Variants in SEPTIN2 observed in about 807,000 individuals in gnomAD.
SEPTIN2 encodes the protein septin 2.
Under a neutral mutation model 46.5 loss-of-function variants are expected in SEPTIN2, and 34 were observed. That is an observed-to-expected ratio of 0.73 (90% CI 0.56 to 0.97). SEPTIN2 has a LOEUF of 0.97. Ranked by LOEUF, SEPTIN2 falls within the 50% of genes least tolerant of loss-of-function variation. The pLI, the probability that SEPTIN2 is intolerant of heterozygous loss-of-function variation, is 0.00. For missense variants in SEPTIN2, 347 were observed against 448.4 expected (o/e 0.77, Z 2.04); for synonymous variants, 175 against 153.4 (o/e 1.14, Z -1.04).
chr2:241,335,311 T>G (rs2079764206), intron 4 of SEPTIN2, 99 bp downstream of exon 4: 1 of 1,559,860 alleles, frequency 6.4e-7, no homozygotes, highest in African/African-American at 1.4e-5. Flanking sequence ...GTTTTGTTTG[T>G]TCTTGTTCAG....
intron 2 of SEPTIN2, chr2:241,325,006 C>T (rs1466865278): frequency 6.6e-6 from 1 of 151,086 alleles, no homozygotes; most frequent in Non-Finnish European, 1.5e-5. Context: ...GTGTTCATTA[C>T]TGTCCAATGC....
intron 3 of SEPTIN2, among the ~76,000 whole-genome samples, chr2:241,326,318 A>T (rs2077957950): frequency 6.6e-6 from 1 of 152,250 alleles, no homozygotes; most frequent in African/African-American, 2.4e-5. Context: ...ATTTATATGT[A>T]GTGAAAGTTT....
Position 241,326,123 on chromosome 2 carries a change from T to G in SEPTIN2, c.130+10T>G, listed in dbSNP as rs199874880. ...ACACTGATGGTGGTCGGTAAGAAAT[T>G]AATCTATAGTCTCCAACTTACTAAA... On this transcript the variant is annotated intron_variant, in intron 3 of 12. Transcript: ENST00000391971. The G allele has an allele frequency of 4.5e-5, 73 of 1,610,012 alleles. No homozygotes were observed. Among genetic ancestry groups the G allele is most frequent in the Non-Finnish European group, 5.9e-5 (69 of 1,178,058 alleles).
At chr2:241,339,967 A>G (rs1283246700) in intron 7 of SEPTIN2, among the ~76,000 whole-genome samples, 1 of 152,236 alleles carries the variant, frequency 6.6e-6, no homozygotes, top group African/African-American at 2.4e-5. Flanking sequence ...TCTGGCACAT[A>G]ATAGATTTGT....
upstream of SEPTIN2, chr2:241,315,879 G>T (rs1184006427): frequency 6.6e-6 from 1 of 151,580 alleles, no homozygotes; most frequent in Non-Finnish European, 1.5e-5. Context: ...CCGCCTGCGC[G>T]CTGGGCGGGG....
In SEPTIN2 at chr2:241,331,708, T is replaced by C. The variant is rs553776215; in HGVS notation, c.131-3418T>C. ...AGCGTCCAGCTCCAACTTTCAGAAA[T>C]AAAAATTAACAAGCTGATTCGGAAG... On this transcript the variant is annotated intron_variant, in intron 3 of 12. Transcript: ENST00000391971. 2.0e-5 allele frequency among the ~76,000 whole-genome samples: 3 copies of C among 152,196 alleles called. No individual in the cohort carries two copies. The South Asian group carries it at 6.2e-4, about 32-fold the overall frequency.
At chr2:241,320,585 G>A (rs923785960) in intron 1 of SEPTIN2, among the ~76,000 whole-genome samples, 4 of 152,086 alleles carry the variant, frequency 2.6e-5, no homozygotes, top group Admixed American at 6.6e-5. Flanking sequence ...CCTGAGGTCA[G>A]GAAGTTTCAC....
In SEPTIN2 at chr2:241,346,236, A is replaced by G. The variant is rs2060218573; in HGVS notation, c.913A>G (p.Lys305Glu). ...HYENFRSERLKRGGRKVENED... is the reference protein window; with the variant it reads ...HYENFRSERLERGGRKVENED... ...TGAAAACTTCCGTTCTGAGAGACTCAAGAGAGGCGGCAGGTCATCACACTG... is the reference window on the plus strand; with the variant it reads ...TGAAAACTTCCGTTCTGAGAGACTCGAGAGAGGCGGCAGGTCATCACACTG... The change falls in exon 10 of 13, where the codon AAG becomes GAG. Residue 305 changes from lysine to glutamate, a missense_variant. Transcript: ENST00000391971. 4 of 1,613,682 alleles carry G rather than the reference A, an allele frequency of 2.5e-6. No individual in the cohort carries two copies. In the East Asian group the frequency reaches 8.9e-5, roughly 36 times the overall value.
chr2:241,350,480 G>T (rs757508607), intron 12 of SEPTIN2, among the ~76,000 whole-genome samples: 3 of 151,612 alleles, frequency 2.0e-5, no homozygotes, highest in Non-Finnish European at 4.4e-5. Context: ...TATTTTCTAA[G>T]CTTGCAAATA....
chr2:241,344,217 G>A (rs2081658666), intron 9 of SEPTIN2, among the ~76,000 whole-genome samples: 2 of 152,114 alleles, frequency 1.3e-5, no homozygotes, highest in African/African-American at 4.8e-5. Context: ...GGGTCTGAGA[G>A]GTCCCCAGTG....
chr2:241,336,334 A>G, intron 5 of SEPTIN2: 1 of 482,492 alleles, frequency 2.1e-6, no homozygotes, highest in Admixed American at 3.7e-5. Flanking sequence ...ATAGACTGCT[A>G]GTATAAATGA....
At chr2:241,331,621 C>G (rs2079027060) in intron 3 of SEPTIN2, among the ~76,000 whole-genome samples, 1 of 152,158 alleles carries the variant, frequency 6.6e-6, no homozygotes. Flanking sequence ...AAACTCCTAG[C>G]CTGAAGTGAT....
intron 10 of SEPTIN2, among the ~76,000 whole-genome samples, chr2:241,347,455 A>G (rs1219442364): frequency 1.3e-5 from 2 of 152,210 alleles, no homozygotes; most frequent in Non-Finnish European, 2.9e-5. Context: ...TGTGCTTTGC[A>G]GAGCACAGTT....
At chr2:241,323,869 A>G (rs968376364) in intron 1 of SEPTIN2, among the ~76,000 whole-genome samples, 2 of 152,322 alleles carry the variant, frequency 1.3e-5, no homozygotes, top group East Asian at 3.9e-4. Flanking sequence ...ACTTGAAGGG[A>G]TTTGTTTAAC....
chr2:241,350,842 T>C (rs1451775551), intron 12 of SEPTIN2, among the ~76,000 whole-genome samples: 1 of 152,148 alleles, frequency 6.6e-6, no homozygotes, highest in South Asian at 2.1e-4. Flanking sequence ...CTGTATCTTA[T>C]GTATCTTATG....
At chr2:241,328,894 C>CCT (rs2078471697) in intron 3 of SEPTIN2, among the ~76,000 whole-genome samples, 1 of 151,024 alleles carries the variant, frequency 6.6e-6, no homozygotes, top group Non-Finnish European at 1.5e-5. Context: ...GTGGTGGAGG[C>CCT]CTGTAATCCT....
chr2:241,326,935 A>T (rs1365357111), intron 3 of SEPTIN2, among the ~76,000 whole-genome samples: 1 of 151,494 alleles, frequency 6.6e-6, no homozygotes, highest in Non-Finnish European at 1.5e-5. Flanking sequence ...CTAGCCAGGC[A>T]TGGTGGCATG....
At chr2:241,342,124 T>C (rs1039509271) in intron 7 of SEPTIN2, among the ~76,000 whole-genome samples, 2 of 152,218 alleles carry the variant, frequency 1.3e-5, no homozygotes, top group African/African-American at 2.4e-5. Context: ...CACTTTGTAA[T>C]TCCAATTTTT....
At chr2:241,316,686 A>G (rs1430376785) in intron 1 of SEPTIN2, 7 of 560,272 alleles carry the variant, frequency 1.2e-5, no homozygotes, top group Non-Finnish European at 2.0e-5. Flanking sequence ...TGGCCCAGAC[A>G]AACCTGGCTT....
Sources: allele counts gnomAD v4.1 joint callset (sites outside exome capture counted in the v4.1 genomes callset), GRCh38; gene constraint gnomAD v4.1.1; transcripts MANE v1.5; gene names NCBI Gene and HGNC (gene_info 2026-07-23, HGNC 2026-07-21).